Variants in PUM1 observed in about 807,000 individuals in gnomAD.
PUM1 encodes pumilio homolog 1.
Under a neutral mutation model 131.8 loss-of-function variants are expected in PUM1, and 13 were observed. The observed-to-expected ratio is 0.10, with a 90% confidence interval of 0.06 to 0.16. The LOEUF (loss-of-function observed/expected upper bound fraction) is 0.16, where lower values mean the gene tolerates loss of function less well. PUM1 is among the 10% of genes least tolerant of loss of function. The pLI, the probability that PUM1 is intolerant of heterozygous loss-of-function variation, is 1.00. For synonymous variants in PUM1, 509 were observed against 556.5 expected (o/e 0.91, Z 1.20); for missense variants, 961 against 1,512.4 (o/e 0.64, Z 6.05).
intron 7 of PUM1, among the ~76,000 whole-genome samples, chr1:30,990,377 G>A (rs1374551935): frequency 7.2e-5 from 11 of 152,154 alleles, no homozygotes; most frequent in Non-Finnish European, 1.5e-5. Flanking sequence ...GGAGTTCTAG[G>A]GAGGCAGACA....
intron 21 of PUM1, 86 bp from the exon 22 acceptor site, chr1:30,933,428 TCACACACACATACACA>T (rs1320668857): frequency 2.2e-5 from 21 of 950,650 alleles, no homozygotes; most frequent in South Asian, 5.4e-5. Context: ...ATGTCATGCA[TCACACACACATACACA>T]CACACACACA....
chr1:31,057,417 A>AG (rs1262991599), intron 2 of PUM1, among the ~76,000 whole-genome samples: 1 of 148,974 alleles, frequency 6.7e-6, no homozygotes, highest in Non-Finnish European at 1.5e-5. Flanking sequence ...AAAAAAAAAA[A>AG]AAAAAGAAAA....
At chr1:30,994,093 A>G (rs1377678578) in intron 6 of PUM1, among the ~76,000 whole-genome samples, 1 of 152,148 alleles carries the variant, frequency 6.6e-6, no homozygotes, top group Non-Finnish European at 1.5e-5. Context: ...AATAAAAATA[A>G]TTTTTAAAAA....
chr1:31,027,058 A>G (rs961793507), intron 3 of PUM1, among the ~76,000 whole-genome samples: 1 of 152,092 alleles, frequency 6.6e-6, no homozygotes, highest in Non-Finnish European at 1.5e-5. Flanking sequence ...ATTGTTTGCT[A>G]TTCAATTAAA....
intron 7 of PUM1, among the ~76,000 whole-genome samples, chr1:30,983,390 TTC>T (rs1351369840): frequency 6.6e-6 from 1 of 152,246 alleles, no homozygotes; most frequent in Non-Finnish European, 1.5e-5. Context: ...TGCTAGCTGC[TTC>T]TCTCTACCCT....
intron 7 of PUM1, among the ~76,000 whole-genome samples, chr1:30,988,309 C>T (rs1039339108): frequency 6.6e-6 from 1 of 152,156 alleles, no homozygotes; most frequent in African/African-American, 2.4e-5. Context: ...TGAAAATTAC[C>T]TTTTCCCTAT....
intron 1 of PUM1, among the ~76,000 whole-genome samples, chr1:31,060,424 G>A (rs897756040): frequency 3.2e-4 from 48 of 151,976 alleles, no homozygotes; most frequent in African/African-American, 1.1e-3. Context: ...TCATGCCACT[G>A]TACTCCAACC....
At chr1:30,934,979 C>T (rs1195527512) in intron 21 of PUM1, among the ~76,000 whole-genome samples, 2 of 152,160 alleles carry the variant, frequency 1.3e-5, no homozygotes, top group East Asian at 3.8e-4. Flanking sequence ...ACTAAGAGGG[C>T]TTCTCAGGAC....
intron 3 of PUM1, among the ~76,000 whole-genome samples, chr1:31,018,383 G>A (rs1005538136): frequency 1.3e-5 from 2 of 150,768 alleles, no homozygotes; most frequent in Non-Finnish European, 3.0e-5. Flanking sequence ...AAAGGCTGGC[G>A]AGGCGTGGTG....
intron 2 of PUM1, among the ~76,000 whole-genome samples, chr1:31,056,626 T>C (rs1570369018): frequency 4.4e-5 from 5 of 112,546 alleles, no homozygotes; most frequent in East Asian, 2.4e-4. Context: ...TTTTTTTTTT[T>C]TTTTTTTTTT....
chr1:30,953,177 T>G (rs1170405973), intron 15 of PUM1, among the ~76,000 whole-genome samples: 1 of 151,988 alleles, frequency 6.6e-6, no homozygotes, highest in African/African-American at 2.4e-5. Context: ...AAGGAGGAGG[T>G]AGCTTCTGTA....
At chr1:30,981,215 T>G (rs1035089768) in intron 8 of PUM1, 97 bp downstream of exon 8, 2 of 724,080 alleles carry the variant, frequency 2.8e-6, no homozygotes, top group African/African-American at 3.6e-5. Flanking sequence ...TGTCTGAACT[T>G]TTATAATCAG....
At chr1:31,049,792 A>G (rs1343568680) in intron 2 of PUM1, among the ~76,000 whole-genome samples, 1 of 150,248 alleles carries the variant, frequency 6.7e-6, no homozygotes, top group Non-Finnish European at 1.5e-5. Context: ...AGTACCATTC[A>G]GCATTAGAGA....
intron 5 of PUM1, among the ~76,000 whole-genome samples, chr1:31,001,273 G>T (rs939663622): frequency 7.9e-5 from 12 of 152,272 alleles, no homozygotes; most frequent in African/African-American, 2.9e-4. Flanking sequence ...GGAGGCAGGG[G>T]CACAAGAATC....
intron 2 of PUM1, among the ~76,000 whole-genome samples, chr1:31,049,987 A>G (rs61780504): frequency 0.69 from 104,418 of 151,238 alleles, 37,418 homozygotes; most frequent in East Asian, 0.87. Context: ...CCGCCAACAC[A>G]CCTGGCTAAT....
At chr1:30,999,280 G>A (rs1221776319) in intron 5 of PUM1, among the ~76,000 whole-genome samples, 2 of 152,118 alleles carry the variant, frequency 1.3e-5, no homozygotes, top group Admixed American at 6.5e-5. Flanking sequence ...GATTACAAGT[G>A]TGAGCCATAA....
At chr1:30,990,969 A>C (rs1557573615) in intron 7 of PUM1, among the ~76,000 whole-genome samples, 1 of 152,246 alleles carries the variant, frequency 6.6e-6, no homozygotes, top group Non-Finnish European at 1.5e-5. Context: ...TTCAAGTTCT[A>C]ATAATTGTCC....
chr1:30,994,081 TAAATAA>T (rs931009916), intron 6 of PUM1, among the ~76,000 whole-genome samples: 8 of 152,078 alleles, frequency 5.3e-5, no homozygotes, highest in African/African-American at 1.9e-4. Flanking sequence ...AAAAAATAAA[TAAATAA>T]AAATAATTTT....
At chr1:30,975,703 AG>A (rs1641108454) in intron 9 of PUM1, among the ~76,000 whole-genome samples, 1 of 151,880 alleles carries the variant, frequency 6.6e-6, no homozygotes, top group Admixed American at 6.6e-5. Context: ...AACTACATTC[AG>A]ACACTGATAT....
Sources: allele counts gnomAD v4.1 joint callset (sites outside exome capture counted in the v4.1 genomes callset), GRCh38; gene constraint gnomAD v4.1.1; transcripts MANE v1.5; gene names NCBI Gene and HGNC (gene_info 2026-07-23, HGNC 2026-07-21).